The following POLA1 variants were observed in gnomAD, a reference collection of about 807,000 sequenced individuals.
POLA1 encodes DNA polymerase alpha 1, catalytic subunit, also known as DNA polymerase alpha catalytic subunit.
Under a neutral mutation model 124.0 loss-of-function variants are expected in POLA1, and 15 were observed. The observed-to-expected ratio is 0.12, with a 90% CI of 0.08 to 0.19. The LOEUF (loss-of-function observed/expected upper bound fraction) is 0.19. Ranked by LOEUF, POLA1 falls within the 10% of genes least tolerant of loss-of-function variation. The pLI, the probability that POLA1 is intolerant of heterozygous loss-of-function variation, is 1.00. For missense variants in POLA1, 886 were observed against 1,103.4 expected (o/e 0.80, Z 2.79); for synonymous variants, 408 against 389.4 (o/e 1.05, Z -0.56).
intron 35 of POLA1, among the ~76,000 whole-genome samples, chrX:24,894,357 C>A (rs778849244): frequency 8.5e-4 from 96 of 112,367 alleles, no homozygotes; most frequent in African/African-American, 3.1e-3. Flanking sequence ...GTACATGCAT[C>A]TGCTAAGCCA....
In POLA1 at chrX:24,995,874, A is replaced by G. The variant is rs1395408775; in HGVS notation, c.4331A>G (p.Glu1444Gly). 2 of 1,208,149 alleles carry G rather than the reference A, an allele frequency of 1.7e-6. No individual in the cohort carries two copies. Among genetic ancestry groups the G allele is most frequent in the Non-Finnish European group, 2.2e-6 (2 of 892,293 alleles). Residue 1444 changes from glutamate (E) to glycine (G), a missense_variant, in exon 37 of 37, where the codon GAG (glutamate) becomes GGG (glycine). This residue lies in a region of POLA1 where 313 missense variants were observed against 359.7 expected (regional missense o/e 0.87). Transcript: ENST00000379068. ...QDYRKLKNTA[E>G]QFLSRSGYSE... ...TACAGAAAACTCAAGAACACAGCAGAGCAATTCTTGTCCCGAAGTGGCTAC... is the reference window on the plus strand; with the variant it reads ...TACAGAAAACTCAAGAACACAGCAGGGCAATTCTTGTCCCGAAGTGGCTAC...
chrX:24,746,299 C>G (rs1218990674), intron 24 of POLA1, among the ~76,000 whole-genome samples: 1 of 111,300 alleles, frequency 9.0e-6, no homozygotes, highest in Non-Finnish European at 1.9e-5. Context: ...CTAGTGGATA[C>G]TTTTACAGAG....
At chrX:24,911,131 A>G (rs758530101) in intron 35 of POLA1, among the ~76,000 whole-genome samples, 3 of 112,439 alleles carry the variant, frequency 2.7e-5, no homozygotes, top group South Asian at 7.4e-4. Context: ...TCAATAAGTT[A>G]TGGGTCAAAG....
chrX:24,949,366 A>G (rs996168714), intron 36 of POLA1, among the ~76,000 whole-genome samples: 1 of 111,847 alleles, frequency 8.9e-6, no homozygotes, highest in African/African-American at 3.2e-5. Context: ...CTGAATGGCC[A>G]CAATTGACTG....
chrX:24,843,629 C>A lies in POLA1; in HGVS notation c.3999C>A (p.Ser1333Arg), dbSNP rs200968329. 2.0e-5 allele frequency: 24 copies of A among 1,181,361 alleles called. No homozygotes were observed. Among genetic ancestry groups the A allele is most frequent in the Middle Eastern group, 2.3e-4 (1 of 4,272 alleles). ...ASPLTFTVQLSNKLIMDIRRF... is the reference protein window; with the variant it reads ...ASPLTFTVQLRNKLIMDIRRF... ...CTCTGACCTTTACAGTACAACTGAG[C>A]AACAAATTGATCATGGACATTAGAC... The change falls in exon 34 of 37, where the codon AGC becomes AGA. Residue 1333 changes from serine to arginine, a missense_variant. Coordinates refer to ENST00000379068, the MANE Select transcript of POLA1 (RefSeq NM_001330360.2).
chrX:24,703,793 GA>G (rs749707774), intron 3 of POLA1, among the ~76,000 whole-genome samples: 8 of 111,922 alleles, frequency 7.1e-5, no homozygotes, highest in Non-Finnish European at 1.5e-4. Context: ...CCTTCTCCCA[GA>G]GTTGTGAGGT....
intron 20 of POLA1, among the ~76,000 whole-genome samples, chrX:24,740,697 A>C (rs1986580): frequency 0.015 from 1,685 of 111,119 alleles, 31 homozygotes; most frequent in African/African-American, 0.05. Context: ...TAGTCCTGGA[A>C]CTGTCAGATT....
intron 35 of POLA1, among the ~76,000 whole-genome samples, chrX:24,899,790 A>G (rs976587163): frequency 9.0e-6 from 1 of 111,510 alleles, no homozygotes; most frequent in Non-Finnish European, 1.9e-5. Flanking sequence ...ATCTTAGTGG[A>G]TAGTGCGCCT....
chrX:24,769,292 C>T (rs1174472422), intron 26 of POLA1, among the ~76,000 whole-genome samples: 5 of 111,335 alleles, frequency 4.5e-5, no homozygotes, highest in African/African-American at 1.6e-4. Context: ...TGTGCTCTCC[C>T]GGTCTCATGT....
intron 35 of POLA1, among the ~76,000 whole-genome samples, chrX:24,909,930 TCTC>T (rs1162652092): frequency 2.7e-5 from 3 of 110,475 alleles, no homozygotes; most frequent in African/African-American, 9.9e-5. Context: ...GGTTTGTAGT[TCTC>T]CTTGAAGAGG....
intron 26 of POLA1, among the ~76,000 whole-genome samples, chrX:24,781,987 G>A (rs2045273941): frequency 9.0e-6 from 1 of 111,637 alleles, no homozygotes; most frequent in Non-Finnish European, 1.9e-5. Flanking sequence ...GCTGTCAGGA[G>A]CCATGCACTG....
intron 26 of POLA1, among the ~76,000 whole-genome samples, chrX:24,758,348 GA>G (rs1932720013): frequency 8.9e-6 from 1 of 111,941 alleles, no homozygotes; most frequent in South Asian, 3.7e-4. Context: ...CTATATGCTT[GA>G]AAATACTGAG....
intron 17 of POLA1, among the ~76,000 whole-genome samples, chrX:24,734,939 G>A (rs1008467364): frequency 5.4e-5 from 6 of 111,753 alleles, no homozygotes; most frequent in Non-Finnish European, 1.1e-4. Context: ...AAATATGTTT[G>A]TTTTTAGTCT....
intron 4 of POLA1, among the ~76,000 whole-genome samples, chrX:24,707,708 A>G (rs1569273265): frequency 8.9e-6 from 1 of 112,646 alleles, no homozygotes; most frequent in Non-Finnish European, 1.9e-5. Flanking sequence ...AAACAGAGAA[A>G]AATGGCCGGG....
intron 35 of POLA1, among the ~76,000 whole-genome samples, chrX:24,888,591 TGTTTGCTTG>T (rs2047095104): frequency 9.5e-6 from 1 of 105,769 alleles, no homozygotes; most frequent in Non-Finnish European, 1.9e-5. Flanking sequence ...CTTTGTTTTT[TGTTTGCTTG>T]TTTTTTTTTT....
intron 36 of POLA1, among the ~76,000 whole-genome samples, chrX:24,993,336 G>A (rs1184450850): frequency 8.9e-6 from 1 of 112,398 alleles, no homozygotes; most frequent in Non-Finnish European, 1.9e-5. Context: ...CTGTGGACAG[G>A]GATGGGATGG....
At chrX:24,968,971 G>A (rs1303876845) in intron 36 of POLA1, among the ~76,000 whole-genome samples, 1 of 111,431 alleles carries the variant, frequency 9.0e-6, no homozygotes, top group African/African-American at 3.3e-5. Context: ...CACTTTGGGA[G>A]GCTAAGGTGG....
At chrX:24,748,846 T>C (rs749720386) in intron 25 of POLA1, 24 bp from the exon 26 acceptor site, 2 of 1,203,191 alleles carry the variant, frequency 1.7e-6, no homozygotes, top group Non-Finnish European at 2.3e-6. Flanking sequence ...TTGTTGTTTG[T>C]CTTTTGTTCT....
chrX:24,972,237 C>G (rs771140370), intron 36 of POLA1, among the ~76,000 whole-genome samples: 19 of 112,153 alleles, frequency 1.7e-4, no homozygotes, highest in Non-Finnish European at 2.6e-4. Context: ...TCCCAAAGTG[C>G]TGGGATTACA....
Sources: gnomAD v4.1 joint callset for allele counts (sites outside exome capture counted in the v4.1 genomes callset) on GRCh38, gnomAD v4.1.1 for gene constraint, gnomAD v4.1.1 regional missense constraint, MANE v1.5 for transcripts, NCBI Gene and HGNC (gene_info 2026-07-23, HGNC 2026-07-21) for gene names.